YWHAE: variants seen among roughly 807,000 people sequenced by gnomAD.
YWHAE encodes 14-3-3 protein epsilon.
Under a neutral mutation model 30.1 loss-of-function variants are expected in YWHAE, and 4 were observed. The observed-to-expected ratio is 0.13, with a 90% confidence interval of 0.07 to 0.30. The LOEUF (loss-of-function observed/expected upper bound fraction) is 0.30. Ranked by LOEUF, YWHAE falls within the 10% of genes least tolerant of loss-of-function variation. The probability of loss-of-function intolerance (pLI) is 1.00; values close to 1 mark genes in which losing one functional copy is unlikely to be tolerated. For missense variants in YWHAE, 121 were observed against 315.9 expected, an observed-to-expected ratio of 0.38 and a Z score of 4.68; for synonymous variants, 118 against 111.8, an observed-to-expected ratio of 1.06 and a Z score of -0.35.
chr17:1,382,040 G>A (rs1005273454), intron 1 of YWHAE, among the ~76,000 whole-genome samples: 3 of 146,302 alleles, frequency 2.1e-5, no homozygotes, highest in African/African-American at 8.1e-5. Context: ...TGCGGCATAA[G>A]TAGTAGTTTT....
intron 1 of YWHAE, among the ~76,000 whole-genome samples, chr17:1,382,032 C>A (rs1156272164): frequency 6.6e-6 from 1 of 150,762 alleles, no homozygotes; most frequent in Non-Finnish European, 1.5e-5. Flanking sequence ...AAGTTACTTG[C>A]GGCATAAGTA....
chr17:1,391,467 C>T (rs190594673), intron 1 of YWHAE, among the ~76,000 whole-genome samples: 147 of 152,204 alleles, frequency 9.7e-4, no homozygotes, highest in Middle Eastern at 6.8e-3. Context: ...CCAGTTTATG[C>T]CTGCTGTTGT....
intron 1 of YWHAE, among the ~76,000 whole-genome samples, chr17:1,368,360 G>C (rs944055050): frequency 6.6e-6 from 1 of 150,946 alleles, no homozygotes; most frequent in Admixed American, 6.6e-5. Context: ...TGGGCAACAA[G>C]AGCGAAACTC....
chr17:1,374,142 G>A (rs191580840), intron 1 of YWHAE, among the ~76,000 whole-genome samples: 9 of 152,022 alleles, frequency 5.9e-5, no homozygotes, highest in Admixed American at 3.9e-4. Context: ...GCAAAACCCC[G>A]TCTCTACTAA....
intron 1 of YWHAE, among the ~76,000 whole-genome samples, chr17:1,375,737 A>C (rs1370035072): frequency 6.6e-6 from 1 of 152,174 alleles, no homozygotes; most frequent in Non-Finnish European, 1.5e-5. Flanking sequence ...GATCCACCAC[A>C]TGGAACCAGC....
At chr17:1,395,658 G>A (rs2073458534) in intron 1 of YWHAE, among the ~76,000 whole-genome samples, 1 of 152,172 alleles carries the variant, frequency 6.6e-6, no homozygotes, top group Admixed American at 6.5e-5. Flanking sequence ...TCAAAGAACT[G>A]GTAGTTAATC....
At chr17:1,359,810 T>TG (rs1450624955) in intron 4 of YWHAE, among the ~76,000 whole-genome samples, 7 of 106,240 alleles carry the variant, frequency 6.6e-5, no homozygotes, top group East Asian at 5.8e-4. Flanking sequence ...GCCACTAAAT[T>TG]GTTGTGTGTG....
At chr17:1,348,893 G>A (rs894385998) in intron 5 of YWHAE, among the ~76,000 whole-genome samples, 23 of 151,796 alleles carry the variant, frequency 1.5e-4, no homozygotes, top group African/African-American at 5.1e-4. Flanking sequence ...GGGCATGGTG[G>A]CGGGCACCTG....
intron 3 of YWHAE, chr17:1,361,680 G>A: frequency 4.2e-6 from 2 of 472,664 alleles, no homozygotes; most frequent in Non-Finnish European, 7.5e-6. Context: ...CCGTTTGGGG[G>A]AGGGGAATGG....
At chr17:1,395,315 A>G (rs938136581) in intron 1 of YWHAE, among the ~76,000 whole-genome samples, 1 of 151,980 alleles carries the variant, frequency 6.6e-6, no homozygotes, top group African/African-American at 2.4e-5. Flanking sequence ...ATCACCTGAG[A>G]TCAGGAGATA....
intron 1 of YWHAE, among the ~76,000 whole-genome samples, chr17:1,394,457 A>AAAAAAAAAAAC (rs2073435969): frequency 6.7e-6 from 1 of 149,308 alleles, no homozygotes; most frequent in African/African-American, 2.5e-5. Flanking sequence ...AAAAAAAAAA[A>AAAAAAAAAAAC]AAAACACAAA....
intron 1 of YWHAE, among the ~76,000 whole-genome samples, chr17:1,376,132 T>A (rs1293529524): frequency 6.6e-6 from 1 of 152,224 alleles, no homozygotes; most frequent in African/African-American, 2.4e-5. Flanking sequence ...ACTTGAGTTG[T>A]GCTTTGATTT....
At chr17:1,364,120 T>TTA (rs1338121713) in intron 2 of YWHAE, among the ~76,000 whole-genome samples, 21 of 152,136 alleles carry the variant, frequency 1.4e-4, no homozygotes, top group African/African-American at 5.1e-4. Flanking sequence ...AAGAAACATT[T>TTA]TATATATGTA....
intron 1 of YWHAE, among the ~76,000 whole-genome samples, chr17:1,373,721 G>C (rs1001879203): frequency 6.6e-6 from 1 of 151,908 alleles, no homozygotes; most frequent in Non-Finnish European, 1.5e-5. Flanking sequence ...AATGTGAACA[G>C]AGACAAGAAG....
chr17:1,375,069 G>T (rs1019102191), intron 1 of YWHAE, among the ~76,000 whole-genome samples: 1 of 152,108 alleles, frequency 6.6e-6, no homozygotes, highest in African/African-American at 2.4e-5. Context: ...GACTATAGGT[G>T]CACACTACCA....
At chr17:1,357,120 T>C (rs1257342053) in intron 4 of YWHAE, among the ~76,000 whole-genome samples, 1 of 110,976 alleles carries the variant, frequency 9.0e-6, no homozygotes, top group Non-Finnish European at 1.9e-5. Context: ...ATACAAAAAA[T>C]AGGCCGGGCG....
intron 1 of YWHAE, 98 bp from the exon 2 acceptor site, chr17:1,365,156 A>T: frequency 7.9e-7 from 1 of 1,264,424 alleles, no homozygotes; most frequent in South Asian, 1.4e-5. Flanking sequence ...CTGCGAAAAA[A>T]ACATTTTAAC....
Position 1,399,877 on chromosome 17 carries a change from A to G in YWHAE, c.64+170T>C, listed in dbSNP as rs2073540865. 5.2e-6 allele frequency: 4 copies of G among 776,350 alleles called. No individual in the cohort carries two copies. The Admixed American group carries it at 8.3e-5, about 16-fold the overall frequency. 48.1% of individuals were successfully genotyped at this position (776,350 alleles called of 1,614,324 possible). ...CGGCGAAGGGGTCACATTCCAGGGC[A>G]TAGAGCCTCCCATCGCCCCGGGAGC... On this transcript the variant is annotated intron_variant, in intron 1 of 5. Coordinates refer to ENST00000264335, the MANE Select transcript of YWHAE (RefSeq NM_006761.5).
At chr17:1,348,907 T>A (rs2072570770) in intron 5 of YWHAE, among the ~76,000 whole-genome samples, 1 of 150,798 alleles carries the variant, frequency 6.6e-6, no homozygotes, top group South Asian at 2.1e-4. Context: ...GCACCTGTAG[T>A]CCCAGCTACC....
Sources: allele counts gnomAD v4.1 joint callset (sites outside exome capture counted in the v4.1 genomes callset), GRCh38; gene constraint gnomAD v4.1.1; transcripts MANE v1.5; gene names NCBI Gene and HGNC (gene_info 2026-07-23, HGNC 2026-07-21).